GNA13: variants seen among roughly 807,000 people sequenced by gnomAD.
GNA13 encodes G protein subunit alpha 13, also known as guanine nucleotide-binding protein subunit alpha-13.
GNA13 carries 4 observed loss-of-function variants against 33.5 expected under a neutral mutation model. That is an observed-to-expected ratio of 0.12 (90% CI 0.06 to 0.27). The LOEUF (loss-of-function observed/expected upper bound fraction) is 0.27. Among genes scored for constraint, GNA13 ranks in the 10% least tolerant of loss-of-function variants. The probability of loss-of-function intolerance (pLI) is 1.00; values close to 1 mark genes in which losing one functional copy is unlikely to be tolerated. For synonymous variants in GNA13, 176 were observed against 183.8 expected (o/e 0.96, Z 0.34); for missense variants, 319 against 487.2 (o/e 0.65, Z 3.25).
Position 65,018,092 on chromosome 17 carries a change from T to TAAAAAAAA in GNA13, c.561+153_561+160dup, listed in dbSNP as rs767082596. Among the ~76,000 whole-genome samples, 2 of 21,510 alleles carry TAAAAAAAA rather than the reference T, an allele frequency of 9.3e-5. 1 individual carries two copies. The highest frequency in any genetic ancestry group is 2.8e-4 in the African/African-American group (2 of 7,196). 14.1% of individuals were successfully genotyped at this position (21,510 alleles called of 152,430 possible). A position where few individuals can be genotyped will look rare whatever the true frequency, so the allele number is the denominator to read the frequency against. On this transcript the variant is annotated intron_variant, in intron 3 of 3. Coordinates refer to ENST00000439174, the MANE Select transcript of GNA13 (RefSeq NM_006572.6). ...CAGAGAAGAATCAGAACGCCACCAC[T>TAAAAAAAA]AAAAAAAAAAAAAAAAAAAAAAAAA...
chr17:65,036,204 A>T (rs1907240052), intron 2 of GNA13, among the ~76,000 whole-genome samples: 1 of 152,216 alleles, frequency 6.6e-6, no homozygotes. Context: ...CTTCACAGTC[A>T]GGCAGCAAAG....
At chr17:65,043,739 AC>A (rs1191393766) in intron 2 of GNA13, among the ~76,000 whole-genome samples, 4 of 152,212 alleles carry the variant, frequency 2.6e-5, no homozygotes, top group Non-Finnish European at 5.9e-5. Flanking sequence ...AACAAAAAAA[AC>A]AAACATCAAC....
chr17:65,052,844 C>G (rs1197031600), intron 2 of GNA13, among the ~76,000 whole-genome samples: 1 of 152,170 alleles, frequency 6.6e-6, no homozygotes, highest in Non-Finnish European at 1.5e-5. Context: ...GCCTGGCCAA[C>G]ATGGCGAAAC....
intron 2 of GNA13, 25 bp downstream of exon 2, chr17:65,053,477 C>A (rs751800769): frequency 1.5e-6 from 2 of 1,375,234 alleles, no homozygotes; most frequent in Admixed American, 3.4e-5. Flanking sequence ...TAAAACCACA[C>A]GTTTTAAAAG....
chr17:65,013,687 A>G lies in GNA13; in HGVS notation c.*570T>C. On this transcript the variant is annotated 3_prime_UTR_variant, in exon 4 of 4. Coordinates refer to ENST00000439174, the MANE Select transcript of GNA13 (RefSeq NM_006572.6). Reference sequence around the variant, plus strand: ...TACCTTCAGAAACACAGAAATCTAAAAGCAAAACAGCTGTTGTGTATACAA... The same window carrying G: ...TACCTTCAGAAACACAGAAATCTAAGAGCAAAACAGCTGTTGTGTATACAA... 4.8e-6 allele frequency: 1 copy of G among 209,338 alleles called. No individual in the cohort carries two copies. The highest frequency in any genetic ancestry group is 9.7e-6 in the Non-Finnish European group (1 of 102,652). The allele number at this position is 209,338 out of a possible 1,614,324, so 13.0% of individuals were successfully genotyped here. A position where few individuals can be genotyped will look rare whatever the true frequency, so the allele number is the denominator to read the frequency against.
chr17:65,034,514 G>A (rs1233529741), intron 2 of GNA13, among the ~76,000 whole-genome samples: 4 of 151,956 alleles, frequency 2.6e-5, no homozygotes, highest in Non-Finnish European at 5.9e-5. Context: ...TAGCCAGGAT[G>A]GTCTCGATCT....
At chr17:65,033,554 C>T (rs1337253372) in intron 2 of GNA13, among the ~76,000 whole-genome samples, 3 of 151,734 alleles carry the variant, frequency 2.0e-5, no homozygotes, top group African/African-American at 7.3e-5. Context: ...CCAGTCATGC[C>T]TTTCTGTTTA....
At chr17:65,018,130 A>AAGAG in intron 3 of GNA13, 123 bp downstream of exon 3, 1 of 222,236 alleles carries the variant, frequency 4.5e-6, no homozygotes, top group Non-Finnish European at 9.0e-6. Flanking sequence ...AAAAAAAAAA[A>AAGAG]AAAAAAAAAG....
At chr17:65,018,533 C>T (rs1018705328) in intron 2 of GNA13, among the ~76,000 whole-genome samples, 1 of 152,106 alleles carries the variant, frequency 6.6e-6, no homozygotes, top group African/African-American at 2.4e-5. Flanking sequence ...AATCAATATC[C>T]CAAGTGATCA....
intron 2 of GNA13, among the ~76,000 whole-genome samples, chr17:65,028,581 G>A (rs1202916178): frequency 2.6e-5 from 4 of 151,966 alleles, no homozygotes; most frequent in Admixed American, 6.6e-5. Flanking sequence ...CTGGTACTTA[G>A]GGCATTTCAT....
At chr17:65,054,434 A>G (rs1907960917) in intron 1 of GNA13, among the ~76,000 whole-genome samples, 1 of 152,316 alleles carries the variant, frequency 6.6e-6, no homozygotes, top group East Asian at 1.9e-4. Context: ...TCACTTGGCT[A>G]TTAGGAAGTC....
At chr17:65,021,271 G>C (rs987716762) in intron 2 of GNA13, among the ~76,000 whole-genome samples, 1 of 152,172 alleles carries the variant, frequency 6.6e-6, no homozygotes, top group East Asian at 1.9e-4. Context: ...GTGACCCTTT[G>C]AGTATTAGAA....
chr17:65,016,822 C>A (rs1160142280), intron 3 of GNA13, among the ~76,000 whole-genome samples: 1 of 152,232 alleles, frequency 6.6e-6, no homozygotes, highest in Non-Finnish European at 1.5e-5. Flanking sequence ...ATGCACACAG[C>A]GTTCAGCCTA....
chr17:65,036,073 G>T (rs1202010804), intron 2 of GNA13, among the ~76,000 whole-genome samples: 1 of 152,082 alleles, frequency 6.6e-6, no homozygotes, highest in Non-Finnish European at 1.5e-5. Context: ...TCACAAAACA[G>T]GTGAAAGGAA....
rs372429457 is a variant in GNA13, at chr17:65,011,881, A to G, written c.*2376T>C. 4.8e-5 allele frequency: 11 copies of G among 227,492 alleles called. No individual in the cohort carries two copies. Among genetic ancestry groups the G allele is most frequent in the East Asian group, 3.2e-4 (5 of 15,788 alleles). The allele number at this position is 227,492 out of a possible 1,614,324, so 14.1% of individuals were successfully genotyped here. On this transcript the variant is annotated 3_prime_UTR_variant, in exon 4 of 4. Coordinates refer to ENST00000439174, the MANE Select transcript of GNA13 (RefSeq NM_006572.6). Reference sequence around the variant, plus strand: ...CAAAAGGATTCAGTTTTCATGATACAGGTGTAAGACTCCTTTCAAACGTTT... The same window carrying G: ...CAAAAGGATTCAGTTTTCATGATACGGGTGTAAGACTCCTTTCAAACGTTT...
At chr17:65,015,472 C>T (rs201546291) in intron 3 of GNA13, among the ~76,000 whole-genome samples, 1 of 152,040 alleles carries the variant, frequency 6.6e-6, no homozygotes, top group East Asian at 1.9e-4. Flanking sequence ...ACCATCCTGG[C>T]TAACACAGTG....
chr17:65,033,663 C>T (rs1204412554), intron 2 of GNA13, among the ~76,000 whole-genome samples: 1 of 151,896 alleles, frequency 6.6e-6, no homozygotes, highest in Non-Finnish European at 1.5e-5. Flanking sequence ...TAAGCAGACT[C>T]CAAGTGAATA....
chr17:65,046,171 C>T (rs1275825972), intron 2 of GNA13, among the ~76,000 whole-genome samples: 1 of 152,022 alleles, frequency 6.6e-6, no homozygotes, highest in Admixed American at 6.6e-5. Flanking sequence ...ACTATATGAT[C>T]ATGAATGTGA....
intron 2 of GNA13, among the ~76,000 whole-genome samples, chr17:65,022,499 C>T (rs1268962615): frequency 6.6e-6 from 1 of 151,740 alleles, no homozygotes; most frequent in African/African-American, 2.4e-5. Context: ...AATAATTTTG[C>T]TATCAAATTC....
Sources: allele counts gnomAD v4.1 joint callset (sites outside exome capture counted in the v4.1 genomes callset), GRCh38; gene constraint gnomAD v4.1.1; transcripts MANE v1.5; gene names NCBI Gene and HGNC (gene_info 2026-07-23, HGNC 2026-07-21).